The following ANKRD45 variants were observed in gnomAD, a reference collection of about 807,000 sequenced individuals.
ANKRD45 encodes the protein ankyrin repeat domain-containing protein 45.
In ANKRD45, 21 loss-of-function variants were observed where a neutral mutation model predicts 28.1. That is an observed-to-expected ratio of 0.75 (90% CI 0.53 to 1.08). The LOEUF (loss-of-function observed/expected upper bound fraction) is 1.08. ANKRD45 is among the 50% of genes least tolerant of loss of function. ANKRD45 has a pLI of 0.00. For missense variants in ANKRD45, 261 were observed against 308.7 expected (o/e 0.85, Z 1.16); for synonymous variants, 86 against 103.9 (o/e 0.83, Z 1.05).
At chr1:173,633,874 C>T (rs1668298929) in intron 3 of ANKRD45, among the ~76,000 whole-genome samples, 1 of 151,990 alleles carries the variant, frequency 6.6e-6, no homozygotes, top group African/African-American at 2.4e-5. Flanking sequence ...AGACCTCAAA[C>T]TATGAAACTA....
chr1:173,682,681 A>AC, the ANKRD45 span, among the ~76,000 whole-genome samples: 3 of 128,110 alleles, frequency 2.3e-5, no homozygotes, highest in African/African-American at 9.0e-5. Context: ...AAGGCCTTTT[A>AC]AATACACACA....
chr1:173,666,396 G>T (rs754681165), intron 1 of ANKRD45, among the ~76,000 whole-genome samples: 1 of 151,924 alleles, frequency 6.6e-6, no homozygotes, highest in African/African-American at 2.4e-5. Flanking sequence ...AGTATTCATG[G>T]GGGGATTGAT....
the ANKRD45 span, among the ~76,000 whole-genome samples, chr1:173,698,629 A>G: frequency 6.6e-6 from 1 of 152,248 alleles, no homozygotes; most frequent in Non-Finnish European, 1.5e-5. Flanking sequence ...AATGAGAACA[A>G]AGACACAATG....
At chr1:173,695,144 C>T in the ANKRD45 span, among the ~76,000 whole-genome samples, 11 of 152,192 alleles carry the variant, frequency 7.2e-5, no homozygotes, top group East Asian at 3.9e-4. Context: ...AATTTTGTCA[C>T]GTTAATGTGT....
intron 3 of ANKRD45, among the ~76,000 whole-genome samples, chr1:173,631,794 A>G (rs1016429901): frequency 1.3e-5 from 2 of 152,096 alleles, no homozygotes; most frequent in African/African-American, 2.4e-5. Flanking sequence ...CTTGCAACAA[A>G]TGAAAATAGA....
the ANKRD45 span, among the ~76,000 whole-genome samples, chr1:173,714,521 C>T: frequency 1.6e-4 from 25 of 152,290 alleles, no homozygotes; most frequent in African/African-American, 6.0e-4. Flanking sequence ...TATCTCTGGT[C>T]TGTCTATCTA....
rs1668389073 is a variant in ANKRD45 at position 173,635,509 on chromosome 1, T to C, written c.497-8350A>G. ...TAAATTTTAGCTACTTTTTTTTCAATTGACAAAGAAGGATGTCTAATCAAA... is the reference window on the plus strand; with the variant it reads ...TAAATTTTAGCTACTTTTTTTTCAACTGACAAAGAAGGATGTCTAATCAAA... On this transcript the variant is annotated intron_variant, in intron 3 of 5. Coordinates refer to ENST00000333279, the MANE Select transcript of ANKRD45 (RefSeq NM_198493.3). 8 of 1,481,888 alleles carry C rather than the reference T, an allele frequency of 5.4e-6. No individual in the cohort carries two copies. In the East Asian group the frequency reaches 1.2e-4, roughly 23 times the overall value. 91.8% of individuals were successfully genotyped at this position (1,481,888 alleles called of 1,614,324 possible).
intron 1 of ANKRD45, chr1:173,667,706 T>TTA: frequency 1.6e-5 from 6 of 370,922 alleles, no homozygotes; most frequent in African/African-American, 6.6e-5. Flanking sequence ...GACCCCATCT[T>TTA]AAAAAAAAAA....
rs556914099 is a variant in ANKRD45 at position 173,624,487 on chromosome 1, C to T, written c.730+300G>A. ...GGGTAACAGAGGAAGACTCTGCCTCCGGGGGAAAAAAAAAAAAAAATCAAA... is the reference window on the plus strand; with the variant it reads ...GGGTAACAGAGGAAGACTCTGCCTCTGGGGGAAAAAAAAAAAAAAATCAAA... On this transcript the variant is annotated intron_variant, in intron 5 of 5. Transcript: ENST00000333279. 3.5e-4 allele frequency among the ~76,000 whole-genome samples: 44 copies of T among 125,258 alleles called. 1 individual carries two copies. In the East Asian group the frequency reaches 9.2e-3, roughly 26 times the overall value. The allele number at this position is 125,258 out of a possible 152,430, so 82.2% of individuals were successfully genotyped here. A position where few individuals can be genotyped will look rare whatever the true frequency, so the allele number is the denominator to read the frequency against.
chr1:173,691,891 C>T, the ANKRD45 span, among the ~76,000 whole-genome samples: 2 of 152,220 alleles, frequency 1.3e-5, no homozygotes, highest in African/African-American at 2.4e-5. Flanking sequence ...CCTTGACGCA[C>T]ATGGCCCCTG....
Position 173,610,228 on chromosome 1 carries a change from A to G in ANKRD45, c.731-13T>C. On this transcript the variant is annotated splice_polypyrimidine_tract_variant and intron_variant, in intron 5 of 5. Transcript: ENST00000333279. ...CTTTTCACTTGACCTGAAAGGAAACAGATTTTAAAATTACATTTAATTAGT... is the reference window on the plus strand; with the variant it reads ...CTTTTCACTTGACCTGAAAGGAAACGGATTTTAAAATTACATTTAATTAGT... 6.2e-7 allele frequency: 1 copy of G among 1,611,410 alleles called. No homozygotes were observed. Among genetic ancestry groups the G allele is most frequent in the Non-Finnish European group, 8.5e-7 (1 of 1,177,752 alleles).
chr1:173,666,752 TTA>T (rs1670037173), intron 1 of ANKRD45, among the ~76,000 whole-genome samples: 1 of 150,222 alleles, frequency 6.7e-6, no homozygotes, highest in African/African-American at 2.5e-5. Flanking sequence ...CAAATAGCAT[TTA>T]AAAAAAATTT....
intron 5 of ANKRD45, among the ~76,000 whole-genome samples, chr1:173,618,884 G>A (rs1202294380): frequency 6.6e-6 from 1 of 152,222 alleles, no homozygotes; most frequent in African/African-American, 2.4e-5. Flanking sequence ...AAAGTGGCCA[G>A]ACTGAGAGGC....
intron 3 of ANKRD45, among the ~76,000 whole-genome samples, chr1:173,628,481 C>T (rs1668038105): frequency 5.3e-5 from 8 of 152,016 alleles, no homozygotes; most frequent in Admixed American, 5.2e-4. Context: ...AAGTGAATAC[C>T]AGCAGTAGCC....
At chr1:173,691,335 G>A in the ANKRD45 span, among the ~76,000 whole-genome samples, 2 of 152,162 alleles carry the variant, frequency 1.3e-5, no homozygotes, top group Non-Finnish European at 2.9e-5. Context: ...GAAGGGGGCG[G>A]GGCACACCTC....
chr1:173,646,604 A>C (rs890626224), intron 3 of ANKRD45, among the ~76,000 whole-genome samples: 1 of 152,234 alleles, frequency 6.6e-6, no homozygotes, highest in African/African-American at 2.4e-5. Context: ...ATAGACAATT[A>C]TTGGTGAGAC....
intron 5 of ANKRD45, among the ~76,000 whole-genome samples, chr1:173,613,335 C>T (rs1484621390): frequency 6.8e-6 from 1 of 148,100 alleles, no homozygotes; most frequent in Non-Finnish European, 1.5e-5. Flanking sequence ...GTCTGAGAAG[C>T]GAGGAGCCCC....
intron 2 of ANKRD45, among the ~76,000 whole-genome samples, chr1:173,651,181 G>A (rs1295339341): frequency 6.6e-6 from 1 of 152,164 alleles, no homozygotes; most frequent in East Asian, 1.9e-4. Context: ...CCTATGTCCT[G>A]AATGGTAATG....
intron 3 of ANKRD45, among the ~76,000 whole-genome samples, chr1:173,646,130 A>G (rs1189411907): frequency 6.6e-6 from 1 of 152,250 alleles, no homozygotes; most frequent in Non-Finnish European, 1.5e-5. Context: ...TTACAAAGGT[A>G]CATCTTCCTG....
Sources: gnomAD v4.1 joint callset for allele counts (sites outside exome capture counted in the v4.1 genomes callset) on GRCh38, gnomAD v4.1.1 for gene constraint, MANE v1.5 for transcripts, NCBI Gene and HGNC (gene_info 2026-07-23, HGNC 2026-07-21) for gene names.